BABAM2: variants seen among roughly 807,000 people sequenced by gnomAD.
BABAM2 encodes BRISC and BRCA1-A complex member 2.
A neutral mutation model predicts 54.7 loss-of-function variants in BABAM2; 31 were observed. The ratio of observed to expected loss-of-function variants is 0.57; its 90% CI spans 0.43 to 0.77. BABAM2 has a LOEUF of 0.77. BABAM2 is among the 30% of genes least tolerant of loss of function. The pLI is 0.00. For synonymous variants in BABAM2, 167 were observed against 162.9 expected, an observed-to-expected ratio of 1.03 and a Z score of -0.19; for missense variants, 364 against 455.8, an observed-to-expected ratio of 0.80 and a Z score of 1.83.
chr2:27,971,066 T>G (rs1671176003), intron 3 of BABAM2, among the ~76,000 whole-genome samples: 2 of 152,126 alleles, frequency 1.3e-5, no homozygotes. Flanking sequence ...TTGTTTAAAT[T>G]AAGTTGGTGT....
chr2:28,234,934 C>A (rs1402640487), intron 7 of BABAM2, among the ~76,000 whole-genome samples: 1 of 152,198 alleles, frequency 6.6e-6, no homozygotes, highest in African/African-American at 2.4e-5. Flanking sequence ...CTACTCTAAG[C>A]GTAGCAAAAG....
intron 6 of BABAM2, among the ~76,000 whole-genome samples, chr2:28,065,002 CAAAA>C (rs796411019): frequency 9.3e-6 from 1 of 107,142 alleles, no homozygotes; most frequent in Non-Finnish European, 2.0e-5. Flanking sequence ...GACTCTATCT[CAAAA>C]AAAAAAAAAA....
At chr2:27,894,158 G>A (rs1193822155) in intron 1 of BABAM2, among the ~76,000 whole-genome samples, 1 of 152,170 alleles carries the variant, frequency 6.6e-6, no homozygotes, top group Non-Finnish European at 1.5e-5. Flanking sequence ...AGTGATGTGT[G>A]TGTTTTTGTG....
chr2:28,027,714 G>A (rs1345396113), intron 5 of BABAM2, among the ~76,000 whole-genome samples: 2 of 152,112 alleles, frequency 1.3e-5, no homozygotes, highest in African/African-American at 4.8e-5. Context: ...ACCAATTAAT[G>A]GACACTTGGG....
intron 10 of BABAM2, among the ~76,000 whole-genome samples, chr2:28,261,698 C>T (rs1402267460): frequency 9.9e-5 from 15 of 151,882 alleles, no homozygotes; most frequent in Admixed American, 2.6e-4. Context: ...TTTACTTTTT[C>T]CTTTCCAGTG....
chr2:28,087,235 G>A (rs529447868), intron 6 of BABAM2, among the ~76,000 whole-genome samples: 45 of 152,254 alleles, frequency 3.0e-4, no homozygotes, highest in Admixed American at 1.5e-3. Context: ...GGAGGCCAAG[G>A]AATGAATTTC....
chr2:28,221,008 C>T (rs1680354921), intron 7 of BABAM2, among the ~76,000 whole-genome samples: 1 of 152,152 alleles, frequency 6.6e-6, no homozygotes, highest in Non-Finnish European at 1.5e-5. Flanking sequence ...CGTCGATTCC[C>T]AAGTGGGAAG....
intron 10 of BABAM2, among the ~76,000 whole-genome samples, chr2:28,264,474 A>G (rs1326458531): frequency 6.6e-6 from 1 of 152,266 alleles, no homozygotes; most frequent in African/African-American, 2.4e-5. Flanking sequence ...TGCAAAGTTT[A>G]TCCTTGAGCT....
At chr2:28,099,040 C>T (rs1039914183) in intron 6 of BABAM2, among the ~76,000 whole-genome samples, 3 of 152,152 alleles carry the variant, frequency 2.0e-5, no homozygotes, top group Non-Finnish European at 4.4e-5. Flanking sequence ...CAGAAACCCA[C>T]ATAAGCCTTT....
At chr2:28,258,352 A>G (rs1489805317) in intron 10 of BABAM2, among the ~76,000 whole-genome samples, 1 of 152,158 alleles carries the variant, frequency 6.6e-6, no homozygotes, top group Non-Finnish European at 1.5e-5. Context: ...ATGTACTGCC[A>G]TACTATTTTC....
At chr2:28,287,314 C>A (rs978202094) in intron 10 of BABAM2, among the ~76,000 whole-genome samples, 1 of 152,108 alleles carries the variant, frequency 6.6e-6, no homozygotes, top group African/African-American at 2.4e-5. Flanking sequence ...TCCTCCCAGG[C>A]CAGGAGTTTA....
intron 6 of BABAM2, among the ~76,000 whole-genome samples, chr2:28,067,225 C>T (rs1448177500): frequency 6.6e-6 from 1 of 152,208 alleles, no homozygotes; most frequent in Non-Finnish European, 1.5e-5. Context: ...AGCCACTGCG[C>T]GTGGCCCTTG....
chr2:28,105,266 G>A (rs1175531943), intron 6 of BABAM2, among the ~76,000 whole-genome samples: 2 of 152,156 alleles, frequency 1.3e-5, no homozygotes, highest in Non-Finnish European at 2.9e-5. Flanking sequence ...CTTCAATGAG[G>A]AAAAAGGTAG....
intron 4 of BABAM2, among the ~76,000 whole-genome samples, chr2:28,023,688 A>C (rs1028888223): frequency 2.0e-5 from 3 of 152,208 alleles, no homozygotes; most frequent in African/African-American, 7.2e-5. Flanking sequence ...ATGAAAGAAC[A>C]CTTATGAATT....
chr2:27,890,201 C>G, upstream of BABAM2: 1 of 1,547,354 alleles, frequency 6.5e-7, no homozygotes, highest in Non-Finnish European at 8.9e-7. The surrounding 1 kb of genome is among the most constrained non-coding windows in gnomAD (Gnocchi z 4.8). Context: ...GGGCGCATAG[C>G]GCACGGCACG....
intron 5 of BABAM2, among the ~76,000 whole-genome samples, chr2:28,033,799 T>TC (rs1676467173): frequency 2.4e-5 from 2 of 81,840 alleles, no homozygotes; most frequent in African/African-American, 6.5e-5. Context: ...TTGATTAAAG[T>TC]GTTTTTTTTT....
chr2:28,163,735 G>GT (rs1673341624), intron 7 of BABAM2, among the ~76,000 whole-genome samples: 1 of 152,318 alleles, frequency 6.6e-6, no homozygotes, highest in African/African-American at 2.4e-5. Flanking sequence ...TGAGACTTGT[G>GT]TAAGATCGGC....
At chr2:28,026,155 AT>A (rs768873834) in intron 5 of BABAM2, among the ~76,000 whole-genome samples, 4 of 152,154 alleles carry the variant, frequency 2.6e-5, no homozygotes, top group Non-Finnish European at 5.9e-5. Context: ...TAGTTCAACC[AT>A]TGTGGAAGAC....
intron 7 of BABAM2, among the ~76,000 whole-genome samples, chr2:28,136,409 C>A (rs1261949929): frequency 6.6e-6 from 1 of 152,246 alleles, no homozygotes; most frequent in African/African-American, 2.4e-5. Context: ...TGAGCCACAG[C>A]CCCTCTGGCC....
Sources: allele counts gnomAD v4.1 joint callset (sites outside exome capture counted in the v4.1 genomes callset), GRCh38; gene constraint gnomAD v4.1.1; non-coding constraint Gnocchi (gnomAD v3.1); transcripts MANE v1.5; gene names NCBI Gene and HGNC (gene_info 2026-07-23, HGNC 2026-07-21).